Variants in NNMT observed in about 807,000 individuals in gnomAD.
The protein encoded by NNMT is nicotinamide N-methyltransferase.
NNMT carries 10 observed loss-of-function variants against 11.7 expected under a neutral mutation model. That is an observed-to-expected ratio of 0.85 (90% CI 0.53 to 1.45). The LOEUF is 1.45. Ranked by LOEUF, NNMT falls within the 40% of genes most tolerant of loss-of-function variation. The pLI is 0.00. For synonymous variants in NNMT, 143 were observed against 133.8 expected, an observed-to-expected ratio of 1.07 and a Z score of -0.48; for missense variants, 381 against 319.4, an observed-to-expected ratio of 1.19 and a Z score of -1.47.
rs1049544601 is a variant in NNMT, at chr11:114,312,127, C to G, written c.445C>G (p.Leu149Val). ...GTGTGATGTGACTCAGAGCCAGCCACTGGGGGCCGTCCCCTTACCCCCGGC... is the reference window on the plus strand; with the variant it reads ...GTGTGATGTGACTCAGAGCCAGCCAGTGGGGGCCGTCCCCTTACCCCCGGC... ...LKCDVTQSQP[L>V]GAVPLPPADC... Residue 149 changes from leucine to valine, a missense_variant, in exon 3 of 3, where the codon CTG becomes GTG. Coordinates refer to ENST00000299964, the MANE Select transcript of NNMT (RefSeq NM_006169.3). The G allele has an allele frequency of 2.5e-6, 4 of 1,613,764 alleles. No individual in the cohort carries two copies. The highest frequency in any genetic ancestry group is 1.3e-5 in the African/African-American group (1 of 75,064).
At chr11:114,268,518 C>T (rs1945140892) in intron 2 of NNMT, among the ~76,000 whole-genome samples, 2 of 152,088 alleles carry the variant, frequency 1.3e-5, no homozygotes, top group Non-Finnish European at 2.9e-5. Context: ...CGCCTGTAAT[C>T]CCAGCACTTT....
Position 114,278,403 on chromosome 11 carries a change from C to T in NNMT, c.-130+15469C>T, listed in dbSNP as rs114196480. ...TCCCACATTAAGGATTACATTTCAA[C>T]ATGAGATTTGGAGGAGACAAATATC... On this transcript the variant is annotated intron_variant, in intron 2 of 4. Transcript: ENST00000535401. 6.1e-3 allele frequency among the ~76,000 whole-genome samples: 933 copies of T among 152,310 alleles called. 7 individuals carry two copies. Among genetic ancestry groups the T allele is most frequent in the African/African-American group, 0.02 (823 of 41,550 alleles).
rs1211907225 is a variant in NNMT, at chr11:114,312,354, T to A, written c.672T>A (p.Ala224=). ...LPLGREAVEA[A]VKEAGYTIEW... is the part of the protein sequence containing the mutation. ...TGGGCCGGGAGGCAGTAGAGGCTGC[T>A]GTGAAAGAGGCTGGCTACACAATCG... Residue 224 remains alanine (A), a synonymous_variant, in exon 3 of 3, where the codon GCT becomes GCA. Transcript: ENST00000299964. 6.2e-7 allele frequency: 1 copy of A among 1,614,234 alleles called. No homozygotes were observed. The highest frequency in any genetic ancestry group is 8.5e-7 in the Non-Finnish European group (1 of 1,180,044).
chr11:114,287,914 A>G (rs1437253416), intron 2 of NNMT, among the ~76,000 whole-genome samples: 1 of 152,186 alleles, frequency 6.6e-6, no homozygotes, highest in Non-Finnish European at 1.5e-5. Flanking sequence ...ATGTCTTTCA[A>G]TAAAATTTTA....
At chr11:114,261,489 C>A (rs1945080248) in intron 1 of NNMT, among the ~76,000 whole-genome samples, 1 of 152,184 alleles carries the variant, frequency 6.6e-6, no homozygotes. Flanking sequence ...GAGGCTGAGG[C>A]AGGAGAATCG....
At chr11:114,282,309 C>G (rs1386756481) in intron 2 of NNMT, among the ~76,000 whole-genome samples, 1 of 152,128 alleles carries the variant, frequency 6.6e-6, no homozygotes, top group Non-Finnish European at 1.5e-5. Context: ...AATTAGATTC[C>G]TGCCAAAGTG....
chr11:114,311,372 T>A (rs1383058591), intron 2 of NNMT, among the ~76,000 whole-genome samples: 1 of 152,188 alleles, frequency 6.6e-6, no homozygotes, highest in Admixed American at 6.5e-5. Context: ...TGCCATTGAT[T>A]TGGCAGAAAA....
intron 2 of NNMT, among the ~76,000 whole-genome samples, chr11:114,267,895 T>C (rs1945133902): frequency 6.6e-6 from 1 of 152,246 alleles, no homozygotes; most frequent in South Asian, 2.1e-4. Flanking sequence ...ATTTTCCTGA[T>C]TGCTTCAAAA....
At chr11:114,283,853 C>T (rs1338275639) in intron 2 of NNMT, among the ~76,000 whole-genome samples, 1 of 152,154 alleles carries the variant, frequency 6.6e-6, no homozygotes, top group Non-Finnish European at 1.5e-5. Context: ...ACATCTTTTA[C>T]CCTGAACATA....
chr11:114,265,036 G>A (rs1218916837), intron 2 of NNMT, among the ~76,000 whole-genome samples: 1 of 152,124 alleles, frequency 6.6e-6, no homozygotes, highest in East Asian at 1.9e-4. Context: ...TCAACCTTCA[G>A]CCCCTCTCCC....
intron 2 of NNMT, among the ~76,000 whole-genome samples, chr11:114,278,274 T>C (rs993479237): frequency 2.6e-4 from 39 of 152,078 alleles, no homozygotes; most frequent in African/African-American, 9.2e-4. Context: ...CTTTAAACGA[T>C]CTGCTCTCTT....
intron 2 of NNMT, among the ~76,000 whole-genome samples, chr11:114,285,797 G>C (rs894235774): frequency 6.6e-6 from 1 of 152,190 alleles, no homozygotes; most frequent in Non-Finnish European, 1.5e-5. Context: ...ATTGCAGCAG[G>C]AAGAGGTGAA....
chr11:114,268,572 C>A (rs1362881313), intron 2 of NNMT, among the ~76,000 whole-genome samples: 1 of 152,088 alleles, frequency 6.6e-6, no homozygotes, highest in African/African-American at 2.4e-5. Context: ...AGATCAAGAC[C>A]ATCCTGGCTA....
chr11:114,262,865 A>G (rs2135240643), exon 2 of NNMT: 1 of 152,330 alleles, frequency 6.6e-6, no homozygotes, highest in East Asian at 1.9e-4. Flanking sequence ...TTCAGCATAG[A>G]GTGAGCTTCT....
chr11:114,294,385 G>A (rs1945356790), upstream of NNMT, among the ~76,000 whole-genome samples: 1 of 151,084 alleles, frequency 6.6e-6, no homozygotes, highest in Admixed American at 6.6e-5. Flanking sequence ...GGCTGAGGCA[G>A]GAGAATCGCT....
rs191864440 is a variant in NNMT at position 114,260,637 on chromosome 11, C to T, written c.-216-2211C>T. Among the ~76,000 whole-genome samples the T allele has an allele frequency of 2.9e-3, 436 of 152,306 alleles. 2 individuals are homozygous for T. Among genetic ancestry groups the T allele is most frequent in the African/African-American group, 9.4e-3 (389 of 41,570 alleles). On this transcript the variant is annotated intron_variant, in intron 1 of 4. Transcript: ENST00000535401. Reference sequence around the variant, plus strand: ...TCATAAACACTGTCCTTGCCTGCATCTCTGAGTGCCCTCAAATCCCCTGAG... The same window carrying T: ...TCATAAACACTGTCCTTGCCTGCATTTCTGAGTGCCCTCAAATCCCCTGAG...
chr11:114,258,390 G>C lies in NNMT; in HGVS notation c.-217+512G>C, dbSNP rs553333025. On this transcript the variant is annotated intron_variant, in intron 1 of 4. Transcript: ENST00000535401. ...GGAGAGCTGAGGCCCGGCGCCAGCA[G>C]AGGTTTGCTGAAGACTCAGGCAAGT... Among the ~76,000 whole-genome samples the C allele has an allele frequency of 5.1e-4, 78 of 152,244 alleles. 1 individual carries two copies. Among genetic ancestry groups the C allele is most frequent in the Non-Finnish European group, 1.0e-3 (71 of 68,038 alleles).
intron 2 of NNMT, among the ~76,000 whole-genome samples, chr11:114,279,135 C>T (rs905861436): frequency 2.0e-5 from 3 of 152,118 alleles, no homozygotes; most frequent in Non-Finnish European, 4.4e-5. Context: ...ACCATATACA[C>T]GTGGGCCCAG....
intron 2 of NNMT, among the ~76,000 whole-genome samples, chr11:114,300,768 G>A (rs1591837385): frequency 6.6e-6 from 1 of 152,108 alleles, no homozygotes; most frequent in Non-Finnish European, 1.5e-5. Flanking sequence ...TTACCATTGT[G>A]AAATATCTCC....
Sources: allele counts gnomAD v4.1 joint callset (sites outside exome capture counted in the v4.1 genomes callset), GRCh38; gene constraint gnomAD v4.1.1; transcripts MANE v1.5; gene names NCBI Gene and HGNC (gene_info 2026-07-23, HGNC 2026-07-21).